Variants in PXDNL observed in about 807,000 individuals in gnomAD.
PXDNL encodes peroxidasin like.
Under a neutral mutation model 150.8 loss-of-function variants are expected in PXDNL, and 145 were observed. The ratio of observed to expected loss-of-function variants is 0.96; its 90% CI spans 0.84 to 1.10. The LOEUF (loss-of-function observed/expected upper bound fraction) is 1.10. Ranked by LOEUF, PXDNL falls within the 50% of genes least tolerant of loss-of-function variation. PXDNL has a pLI of 0.00. For missense variants in PXDNL, 2,087 were observed against 1,873.9 expected, an observed-to-expected ratio of 1.11 and a Z score of -2.10; for synonymous variants, 757 against 725.7, an observed-to-expected ratio of 1.04 and a Z score of -0.69.
At chr8:51,393,429 G>A (rs1249032495) in intron 17 of PXDNL, among the ~76,000 whole-genome samples, 1 of 152,218 alleles carries the variant, frequency 6.6e-6, no homozygotes, top group Non-Finnish European at 1.5e-5. Flanking sequence ...GAGAGCACGT[G>A]TAACACCATG....
chr8:51,739,968 A>G (rs1046540110), intron 1 of PXDNL, among the ~76,000 whole-genome samples: 1 of 152,198 alleles, frequency 6.6e-6, no homozygotes, highest in African/African-American at 2.4e-5. Flanking sequence ...CAATCACACC[A>G]AAGAAAATGA....
intron 1 of PXDNL, among the ~76,000 whole-genome samples, chr8:51,754,795 G>C (rs564790746): frequency 6.6e-6 from 1 of 152,112 alleles, no homozygotes; most frequent in Non-Finnish European, 1.5e-5. Context: ...GAACCACTGC[G>C]CCCGGCCAAA....
At chr8:51,615,041 GA>G (rs1310779595) in intron 2 of PXDNL, among the ~76,000 whole-genome samples, 1 of 152,076 alleles carries the variant, frequency 6.6e-6, no homozygotes, top group Non-Finnish European at 1.5e-5. Context: ...TATGTTCATA[GA>G]AAATCAAATG....
chr8:51,381,180 A>C (rs1807524637), intron 17 of PXDNL, among the ~76,000 whole-genome samples: 1 of 152,120 alleles, frequency 6.6e-6, no homozygotes, highest in Non-Finnish European at 1.5e-5. Flanking sequence ...GCATTCCCTA[A>C]ATGACTCCAT....
At chr8:51,446,357 G>A (rs879470605) in intron 12 of PXDNL, among the ~76,000 whole-genome samples, 4 of 152,182 alleles carry the variant, frequency 2.6e-5, no homozygotes, top group Non-Finnish European at 4.4e-5. Context: ...TAGGTGCTAT[G>A]CATTTTGTAA....
intron 2 of PXDNL, among the ~76,000 whole-genome samples, chr8:51,641,086 G>A (rs530579245): frequency 6.6e-6 from 1 of 151,736 alleles, no homozygotes; most frequent in Non-Finnish European, 1.5e-5. Flanking sequence ...ACAAACCTGA[G>A]AAAAACAAGC....
At chr8:51,672,597 G>T (rs1418866695) in intron 1 of PXDNL, among the ~76,000 whole-genome samples, 3 of 152,122 alleles carry the variant, frequency 2.0e-5, no homozygotes, top group African/African-American at 7.2e-5. Context: ...CATACTCTAA[G>T]TGGTTGTTGG....
chr8:51,802,134 ATTTTT>A (rs969939557), intron 1 of PXDNL, among the ~76,000 whole-genome samples: 3 of 150,320 alleles, frequency 2.0e-5, no homozygotes, highest in African/African-American at 7.3e-5. Flanking sequence ...GTAGACAGGA[ATTTTT>A]TTAAGTATTT....
intron 19 of PXDNL, among the ~76,000 whole-genome samples, chr8:51,370,898 G>C (rs1807088383): frequency 6.6e-6 from 1 of 152,182 alleles, no homozygotes; most frequent in African/African-American, 2.4e-5. Flanking sequence ...CACCCGGCCA[G>C]TGTTCTATCA....
At chr8:51,806,240 A>G (rs2037674108) in intron 1 of PXDNL, among the ~76,000 whole-genome samples, 2 of 152,256 alleles carry the variant, frequency 1.3e-5, no homozygotes, top group South Asian at 4.1e-4. Flanking sequence ...TAAAACATGT[A>G]AAAATGGAAA....
At chr8:51,774,228 T>A (rs1441701462) in intron 1 of PXDNL, among the ~76,000 whole-genome samples, 1 of 152,234 alleles carries the variant, frequency 6.6e-6, no homozygotes, top group African/African-American at 2.4e-5. Context: ...TTTCTGCTAC[T>A]GTTTGAGGCG....
At chr8:51,637,117 C>T (rs1338554212) in intron 2 of PXDNL, among the ~76,000 whole-genome samples, 3 of 152,156 alleles carry the variant, frequency 2.0e-5, no homozygotes, top group Non-Finnish European at 4.4e-5. Context: ...TCCAACAGAC[C>T]TGCAGCTGAG....
In PXDNL at chr8:51,330,392, A is replaced by T. The variant is rs1224336921; in HGVS notation, c.4146+9232T>A. ...ATCTAAGAACTACAGGGCAATATTA[A>T]AAAAAAAATGTGGCTATTCAGCATC... is the stretch of plus-strand genomic sequence containing the variant. On this transcript the variant is annotated intron_variant, in intron 21 of 22. Coordinates refer to ENST00000356297, the MANE Select transcript of PXDNL (RefSeq NM_144651.5). Among the ~76,000 whole-genome samples the T allele has an allele frequency of 4.8e-5, 3 of 62,708 alleles. No homozygotes were observed. In the South Asian group the frequency reaches 1.3e-3, roughly 27 times the overall value. 41.1% of individuals were successfully genotyped at this position (62,708 alleles called of 152,430 possible). A position where few individuals can be genotyped will look rare whatever the true frequency, so the allele number is the denominator to read the frequency against.
chr8:51,778,091 C>T (rs1415961227), intron 1 of PXDNL, among the ~76,000 whole-genome samples: 1 of 152,078 alleles, frequency 6.6e-6, no homozygotes. Flanking sequence ...GATCCCAGCA[C>T]TTTGGAAAGC....
At chr8:51,691,643 G>A (rs1183164715) in intron 1 of PXDNL, among the ~76,000 whole-genome samples, 1 of 151,704 alleles carries the variant, frequency 6.6e-6, no homozygotes, top group African/African-American at 2.4e-5. Context: ...GGAAGGTCAT[G>A]AAAAGTCATT....
At chr8:51,456,669 C>T (rs1809944436) in intron 9 of PXDNL, among the ~76,000 whole-genome samples, 1 of 152,160 alleles carries the variant, frequency 6.6e-6, no homozygotes, top group Admixed American at 6.5e-5. Flanking sequence ...GGTTATTATG[C>T]CTACTGTGTC....
At chr8:51,361,852 C>T (rs1806747414) in intron 19 of PXDNL, among the ~76,000 whole-genome samples, 1 of 133,746 alleles carries the variant, frequency 7.5e-6, no homozygotes, top group Non-Finnish European at 1.5e-5. Flanking sequence ...GTCCCAGCTA[C>T]TTGGGAGGCT....
intron 17 of PXDNL, among the ~76,000 whole-genome samples, chr8:51,404,243 G>C (rs1044979028): frequency 6.6e-6 from 1 of 152,228 alleles, no homozygotes; most frequent in African/African-American, 2.4e-5. Context: ...AGAGACCGGA[G>C]TGGATTGCCA....
intron 3 of PXDNL, among the ~76,000 whole-genome samples, chr8:51,579,816 C>T (rs570294190): frequency 2.1e-4 from 32 of 151,918 alleles, no homozygotes; most frequent in Admixed American, 1.3e-4. Flanking sequence ...ATTGATATTA[C>T]GCAAAAACCA....
Sources: gnomAD v4.1 joint callset for allele counts (sites outside exome capture counted in the v4.1 genomes callset) on GRCh38, gnomAD v4.1.1 for gene constraint, MANE v1.5 for transcripts, NCBI Gene and HGNC (gene_info 2026-07-23, HGNC 2026-07-21) for gene names.